FRMD7: variants seen among roughly 807,000 people sequenced by gnomAD.
FRMD7 encodes the protein FERM domain containing 7.
Under a neutral mutation model 44.1 loss-of-function variants are expected in FRMD7, and 14 were observed. The ratio of observed to expected loss-of-function variants is 0.32; its 90% confidence interval spans 0.21 to 0.50. The LOEUF (loss-of-function observed/expected upper bound fraction) is 0.50. FRMD7 is among the 20% of genes least tolerant of loss of function. The pLI, the probability that FRMD7 is intolerant of heterozygous loss-of-function variation, is 0.99. For synonymous variants in FRMD7, 212 were observed against 187.4 expected, an observed-to-expected ratio of 1.13 and a Z score of -1.07; for missense variants, 501 against 522.3, an observed-to-expected ratio of 0.96 and a Z score of 0.40.
chrX:132,085,432 C>A, intron 7 of FRMD7, 149 bp downstream of exon 7: 1 of 527,335 alleles, frequency 1.9e-6, no homozygotes, highest in East Asian at 3.3e-5. Context: ...ACTTTTCATG[C>A]AACTACAAGT....
In FRMD7 at chrX:132,080,000, C is replaced by G. The variant is rs758009021; in HGVS notation, c.1050+6G>C. 3.1e-5 allele frequency: 36 copies of G among 1,150,111 alleles called. No individual in the cohort carries two copies. The highest frequency in any genetic ancestry group is 4.3e-5 in the Non-Finnish European group (36 of 840,835). The allele number at this position is 1,150,111 out of a possible 1,213,427, so 94.8% of individuals were successfully genotyped here. A position where few individuals can be genotyped will look rare whatever the true frequency, so the allele number is the denominator to read the frequency against. Reference sequence around the variant, plus strand: ...CTAAAGAAGTAGAAATTTTCAGAAACCTTACTTGTTTTGACACATCAGAGA... The same window carrying G: ...CTAAAGAAGTAGAAATTTTCAGAAAGCTTACTTGTTTTGACACATCAGAGA... On this transcript the variant is annotated splice_donor_region_variant and intron_variant, in intron 11 of 11. Transcript: ENST00000298542.
rs186556742 is a variant in FRMD7 at position 132,121,836 on chromosome X, C to G, written c.57+5952G>C. Among the ~76,000 whole-genome samples the G allele has an allele frequency of 3.3e-4, 37 of 111,871 alleles. 1 individual carries two copies. The highest frequency in any genetic ancestry group is 9.4e-4 in the Admixed American group (10 of 10,600). On this transcript the variant is annotated intron_variant, in intron 1 of 11. Transcript: ENST00000298542. ...ATGTAGTAAAATGCAAAGGGTTTGG[C>G]TATTTCCATCTGCTTCCTTAAAGGA...
At chrX:132,096,035 G>T (rs1392380826) in intron 4 of FRMD7, among the ~76,000 whole-genome samples, 1 of 110,673 alleles carries the variant, frequency 9.0e-6, no homozygotes, top group Non-Finnish European at 1.9e-5. Flanking sequence ...TTTTGGAGGT[G>T]GGGGGAGTTT....
intron 1 of FRMD7, among the ~76,000 whole-genome samples, chrX:132,101,595 T>C (rs1928500801): frequency 8.9e-6 from 1 of 112,542 alleles, no homozygotes; most frequent in South Asian, 3.7e-4. Context: ...CACATAGTAC[T>C]GGGCTCCTGA....
At chrX:132,088,125 C>A (rs748656456) in intron 5 of FRMD7, among the ~76,000 whole-genome samples, 5 of 112,242 alleles carry the variant, frequency 4.5e-5, no homozygotes, top group Non-Finnish European at 9.4e-5. Context: ...CAAGTGCCTG[C>A]CACATCTATT....
At chrX:132,109,347 T>C (rs1176305920) in intron 1 of FRMD7, among the ~76,000 whole-genome samples, 2 of 112,175 alleles carry the variant, frequency 1.8e-5, no homozygotes. Flanking sequence ...AGTATGCTTT[T>C]TACTCTATTG....
chrX:132,113,250 C>T (rs1388270942), intron 1 of FRMD7, among the ~76,000 whole-genome samples: 1 of 111,975 alleles, frequency 8.9e-6, no homozygotes, highest in Non-Finnish European at 1.9e-5. Context: ...GTGCATGATA[C>T]ACAACCAAAT....
chrX:132,079,370 T>C (rs189898718), intron 11 of FRMD7, among the ~76,000 whole-genome samples: 58 of 111,691 alleles, frequency 5.2e-4, no homozygotes, highest in Non-Finnish European at 8.7e-4. Context: ...TGTAAAATGG[T>C]GGGAGGAGGG....
At chrX:132,097,421 A>C (rs749941509) in intron 3 of FRMD7, 77 bp from the exon 4 acceptor site, 3 of 594,773 alleles carry the variant, frequency 5.0e-6, no homozygotes, top group South Asian at 2.3e-5. Flanking sequence ...ACACACACAC[A>C]CACACACCCA....
intron 11 of FRMD7, 105 bp from the exon 12 acceptor site, chrX:132,079,071 A>C: frequency 1.5e-6 from 1 of 670,925 alleles, no homozygotes; most frequent in African/African-American, 2.1e-5. Flanking sequence ...TTTTTCATAA[A>C]GTCATTTAAC....
intron 7 of FRMD7, among the ~76,000 whole-genome samples, chrX:132,085,280 A>C (rs1927946847): frequency 9.0e-6 from 1 of 111,699 alleles, no homozygotes. Context: ...TCAACAGGTA[A>C]TCTATTCGCG....
chrX:132,117,031 G>C (rs1231857734), intron 1 of FRMD7, among the ~76,000 whole-genome samples: 1 of 111,657 alleles, frequency 9.0e-6, no homozygotes, highest in African/African-American at 3.3e-5. Context: ...TTTCCAGTTA[G>C]CACATCTGTC....
chrX:132,085,824 T>C, intron 6 of FRMD7, 96 bp from the exon 7 acceptor site: 1 of 1,050,154 alleles, frequency 9.5e-7, no homozygotes, highest in Non-Finnish European at 1.3e-6. Context: ...TCATGGAGCC[T>C]GAAACTTCTC....
Position 132,125,501 on chromosome X carries a change from G to C in FRMD7, c.57+2287C>G, listed in dbSNP as rs767480087. Among the ~76,000 whole-genome samples, 5 of 111,446 alleles carry C rather than the reference G, an allele frequency of 4.5e-5. No individual in the cohort carries two copies. The East Asian group carries it at 1.1e-3, about 25-fold the overall frequency. ...CATGTGGCCTTCCTCAGCTATCAAT[G>C]GGTTCTCTTCATTATGGTTCCAAGC... On this transcript the variant is annotated intron_variant, in intron 1 of 11. Transcript: ENST00000298542.
chrX:132,113,545 G>A (rs754441941), intron 1 of FRMD7, among the ~76,000 whole-genome samples: 2 of 111,602 alleles, frequency 1.8e-5, no homozygotes, highest in East Asian at 5.7e-4. Context: ...CTATTATCTA[G>A]GTGGATGAAT....
At chrX:132,099,542 G>A (rs1928437966) in intron 2 of FRMD7, 32 bp from the exon 3 acceptor site, 2 of 1,112,533 alleles carry the variant, frequency 1.8e-6, no homozygotes, top group South Asian at 1.9e-5. Flanking sequence ...AATTGGTAGA[G>A]CATGGCATTG....
At chrX:132,085,407 T>C (rs1002543315) in intron 7 of FRMD7, among the ~76,000 whole-genome samples, 174 bp downstream of exon 7, 3 of 112,204 alleles carry the variant, frequency 2.7e-5, no homozygotes, top group Non-Finnish European at 5.6e-5. Flanking sequence ...CTATGTTTAT[T>C]AGTTTGTCAT....
At chrX:132,089,591 G>T (rs1014358946) in intron 5 of FRMD7, among the ~76,000 whole-genome samples, 1 of 111,852 alleles carries the variant, frequency 8.9e-6, no homozygotes, top group Admixed American at 9.5e-5. Context: ...ATTGCAAATT[G>T]TATATCTTAT....
intron 3 of FRMD7, among the ~76,000 whole-genome samples, chrX:132,098,514 T>C (rs1217686850): frequency 3.6e-5 from 4 of 111,977 alleles, no homozygotes; most frequent in Admixed American, 9.5e-5. Flanking sequence ...ATGTAGATGA[T>C]GGATGAGGGG....
Sources: gnomAD v4.1 joint callset for allele counts (sites outside exome capture counted in the v4.1 genomes callset) on GRCh38, gnomAD v4.1.1 for gene constraint, MANE v1.5 for transcripts, NCBI Gene and HGNC (gene_info 2026-07-23, HGNC 2026-07-21) for gene names.